Variants in LAPTM4B observed in about 807,000 individuals in gnomAD.
LAPTM4B encodes lysosomal protein transmembrane 4 beta, also known as lysosomal-associated transmembrane protein 4B.
Under a neutral mutation model 28.5 loss-of-function variants are expected in LAPTM4B, and 26 were observed. The ratio of observed to expected loss-of-function variants is 0.91; its 90% confidence interval spans 0.67 to 1.27. The LOEUF (loss-of-function observed/expected upper bound fraction) is 1.27. Ranked by LOEUF, LAPTM4B falls within the 50% of genes most tolerant of loss-of-function variation. LAPTM4B has a pLI of 0.00. For synonymous variants in LAPTM4B, 109 were observed against 106.4 expected (o/e 1.02, Z -0.15); for missense variants, 288 against 285.8 (o/e 1.01, Z -0.06).
At chr8:97,807,349 T>A (rs569532677) in intron 2 of LAPTM4B, among the ~76,000 whole-genome samples, 15 of 152,066 alleles carry the variant, frequency 9.9e-5, no homozygotes, top group Non-Finnish European at 1.8e-4. Context: ...GTGGTGGGGA[T>A]CACTTGAGAT....
At chr8:97,782,859 G>A (rs1339388549) in intron 1 of LAPTM4B, among the ~76,000 whole-genome samples, 2 of 151,816 alleles carry the variant, frequency 1.3e-5, no homozygotes, top group Non-Finnish European at 2.9e-5. Context: ...AGCCTCCAAA[G>A]TAGCTGGGAT....
chr8:97,826,068 A>G (rs1817086769), intron 6 of LAPTM4B, among the ~76,000 whole-genome samples: 1 of 152,208 alleles, frequency 6.6e-6, no homozygotes, highest in Admixed American at 6.5e-5. Context: ...TACCGAAATA[A>G]TCCAGCCTGT....
intron 2 of LAPTM4B, among the ~76,000 whole-genome samples, chr8:97,812,066 A>G (rs1459571590): frequency 6.6e-6 from 1 of 151,968 alleles, no homozygotes; most frequent in Non-Finnish European, 1.5e-5. Flanking sequence ...TTGGCCTCCA[A>G]AAGTCCTGGG....
At chr8:97,780,147 G>A (rs1484265627) in intron 1 of LAPTM4B, among the ~76,000 whole-genome samples, 3 of 151,874 alleles carry the variant, frequency 2.0e-5, no homozygotes, top group African/African-American at 7.3e-5. Flanking sequence ...AGTCCAGGCC[G>A]GGTACGGTGG....
At chr8:97,845,499 C>T (rs1001156480) in intron 6 of LAPTM4B, among the ~76,000 whole-genome samples, 5 of 152,302 alleles carry the variant, frequency 3.3e-5, no homozygotes, top group Admixed American at 2.6e-4. Flanking sequence ...CTTCTCCTCA[C>T]CCCGTTCCAG....
At chr8:97,780,248 A>G (rs1201774695) in intron 1 of LAPTM4B, among the ~76,000 whole-genome samples, 1 of 151,758 alleles carries the variant, frequency 6.6e-6, no homozygotes, top group African/African-American at 2.4e-5. Context: ...TAACATGATG[A>G]AACCCTGTTT....
chr8:97,803,323 G>C (rs901824035), intron 1 of LAPTM4B, among the ~76,000 whole-genome samples: 2 of 151,664 alleles, frequency 1.3e-5, no homozygotes, highest in African/African-American at 4.8e-5. Flanking sequence ...CTTTCACCCA[G>C]GCTGGAGGGC....
At chr8:97,818,694 C>T (rs1354153572) in intron 4 of LAPTM4B, among the ~76,000 whole-genome samples, 3 of 152,034 alleles carry the variant, frequency 2.0e-5, no homozygotes, top group Admixed American at 6.6e-5. Context: ...TGCATATGCC[C>T]TTTAGAATGG....
At chr8:97,834,144 G>GGAAAAAAAAAAAAAAAAAAAAAAAAA (rs1554593011) in intron 6 of LAPTM4B, among the ~76,000 whole-genome samples, 3 of 75,344 alleles carry the variant, frequency 4.0e-5, no homozygotes, top group East Asian at 4.4e-4. Context: ...TGTCTCTACA[G>GGAAAAAAAAAAAAAAAAAAAAAAAAA]AAAAAAAAAA....
intron 6 of LAPTM4B, among the ~76,000 whole-genome samples, chr8:97,834,910 G>A (rs912383324): frequency 5.3e-5 from 8 of 152,282 alleles, no homozygotes; most frequent in Admixed American, 5.2e-4. Context: ...TTTTGTTTTG[G>A]TTTCGGCTTT....
intron 2 of LAPTM4B, among the ~76,000 whole-genome samples, chr8:97,811,058 A>G (rs1423148490): frequency 6.6e-6 from 1 of 152,230 alleles, no homozygotes; most frequent in African/African-American, 2.4e-5. Flanking sequence ...CAGCTACAGT[A>G]GTAAATTACC....
intron 6 of LAPTM4B, among the ~76,000 whole-genome samples, chr8:97,826,257 T>C (rs535302735): frequency 6.6e-6 from 1 of 152,176 alleles, no homozygotes; most frequent in Non-Finnish European, 1.5e-5. Context: ...CAAATATGCA[T>C]GAGCAGTGGT....
chr8:97,847,743 C>T (rs935548371), intron 6 of LAPTM4B, among the ~76,000 whole-genome samples: 4 of 152,164 alleles, frequency 2.6e-5, no homozygotes, highest in Non-Finnish European at 4.4e-5. Context: ...TGATGCTGCC[C>T]CTACAAGGAT....
At chr8:97,833,237 G>A (rs1817211606) in intron 6 of LAPTM4B, among the ~76,000 whole-genome samples, 1 of 151,892 alleles carries the variant, frequency 6.6e-6, no homozygotes, top group Non-Finnish European at 1.5e-5. Context: ...GGGAGGCTGG[G>A]GCAGGAGAAT....
chr8:97,808,912 G>A (rs919390175), intron 2 of LAPTM4B, among the ~76,000 whole-genome samples: 3 of 151,768 alleles, frequency 2.0e-5, no homozygotes, highest in Non-Finnish European at 2.9e-5. Context: ...AGTGAGCCGA[G>A]ATCATGCCAC....
chr8:97,824,909 C>T, intron 5 of LAPTM4B, 149 bp from the exon 6 acceptor site: 2 of 453,534 alleles, frequency 4.4e-6, no homozygotes, highest in Non-Finnish European at 8.2e-6. Flanking sequence ...TTTGTACTTT[C>T]AGGGACTTTT....
At chr8:97,822,012 G>A (rs1427880294) in intron 5 of LAPTM4B, among the ~76,000 whole-genome samples, 10 of 152,212 alleles carry the variant, frequency 6.6e-5, no homozygotes, top group Non-Finnish European at 4.4e-5. Context: ...GTGTCATTCA[G>A]CAGTTAAGGA....
rs1208091093 is a variant in LAPTM4B, at chr8:97,851,436, G to T, written c.643G>T (p.Ala215Ser). 4 of 1,614,140 alleles carry T rather than the reference G, an allele frequency of 2.5e-6. No homozygotes were observed. Among genetic ancestry groups the T allele is most frequent in the Non-Finnish European group, 2.5e-6 (3 of 1,180,020 alleles). ...PPYDDATVNG[A>S]AKEPPPPYVS... ...GTATGATGATGCCACTGTGAATGGT[G>T]CTGCCAAGGAGCCACCGCCACCTTA... Residue 215 changes from alanine to serine, a missense_variant, in exon 7 of 7, where the codon GCT (alanine) becomes TCT (serine). By Grantham distance (99) the Ala-to-Ser change is moderately conservative. Transcript: ENST00000521545.
chr8:97,844,903 A>AT (rs891372100), intron 6 of LAPTM4B, among the ~76,000 whole-genome samples: 3 of 152,044 alleles, frequency 2.0e-5, no homozygotes, highest in African/African-American at 7.2e-5. Flanking sequence ...TTATCTTTTT[A>AT]TTTTTAAAAT....
Sources: gnomAD v4.1 joint callset for allele counts (sites outside exome capture counted in the v4.1 genomes callset) on GRCh38, gnomAD v4.1.1 for gene constraint, MANE v1.5 for transcripts, NCBI Gene and HGNC (gene_info 2026-07-23, HGNC 2026-07-21) for gene names.